The following SMURF2 variants were observed in gnomAD, a reference collection of about 807,000 sequenced individuals.
SMURF2 encodes the protein E3 ubiquitin-protein ligase SMURF2.
In SMURF2, 48 loss-of-function variants were observed where a neutral mutation model predicts 109.6. The observed-to-expected ratio is 0.44, with a 90% confidence interval of 0.35 to 0.56. The LOEUF (loss-of-function observed/expected upper bound fraction) is 0.56. SMURF2 is among the 20% of genes least tolerant of loss of function. The pLI, the probability that SMURF2 is intolerant of heterozygous loss-of-function variation, is 0.01. For synonymous variants in SMURF2, 288 were observed against 317.1 expected (o/e 0.91, Z 0.97); for missense variants, 575 against 909.0 (o/e 0.63, Z 4.72).
At position 64,557,608 on chromosome 17, in the gene SMURF2, C is replaced by T. The variant is rs1969141316; in HGVS notation, c.1431G>A (p.Pro477=). The change falls in exon 13 of 19, where the codon CCG becomes CCA. Residue 477 remains proline, a splice_region_variant and synonymous_variant. Transcript: ENST00000262435. ...LQINPDSAVN[P]EHLSYFHFVG... is the part of the protein sequence containing the mutation. ...TTCACATCATAACTTCAAATCATACCGGATTAACTGCAGAATCAGGATTGA... is the reference window on the plus strand; with the variant it reads ...TTCACATCATAACTTCAAATCATACTGGATTAACTGCAGAATCAGGATTGA... 2 of 1,557,020 alleles carry T rather than the reference C, an allele frequency of 1.3e-6. No individual in the cohort carries two copies. The highest frequency in any genetic ancestry group is 1.7e-5 in the Admixed American group (1 of 58,620).
chr17:64,641,973 A>AT (rs1970498287), intron 1 of SMURF2, among the ~76,000 whole-genome samples: 1 of 152,010 alleles, frequency 6.6e-6, no homozygotes, highest in Non-Finnish European at 1.5e-5. Flanking sequence ...TGCCTGCCTA[A>AT]TTTTTTGTAT....
chr17:64,623,824 C>T (rs1970234210), intron 1 of SMURF2, among the ~76,000 whole-genome samples: 1 of 152,208 alleles, frequency 6.6e-6, no homozygotes, highest in Non-Finnish European at 1.5e-5. Context: ...GCCCTCAAAA[C>T]ACCTAGTTAG....
At chr17:64,621,203 T>C (rs1243884615) in intron 1 of SMURF2, among the ~76,000 whole-genome samples, 2 of 152,174 alleles carry the variant, frequency 1.3e-5, no homozygotes, top group African/African-American at 2.4e-5. Context: ...GAAAACAAAG[T>C]GCAAAGGTAT....
intron 10 of SMURF2, among the ~76,000 whole-genome samples, chr17:64,567,498 A>C (rs2144615008): frequency 6.6e-6 from 1 of 152,308 alleles, no homozygotes; most frequent in South Asian, 2.1e-4. Flanking sequence ...ATTCAGCAAA[A>C]AGATGGAAGA....
chr17:64,628,893 A>G (rs551513255), intron 1 of SMURF2, among the ~76,000 whole-genome samples: 25 of 152,292 alleles, frequency 1.6e-4, no homozygotes, highest in African/African-American at 6.0e-4. Flanking sequence ...TGCCTTAGAT[A>G]TCACAGTTCT....
intron 6 of SMURF2, among the ~76,000 whole-genome samples, chr17:64,584,174 C>G (rs190494047): frequency 6.6e-6 from 1 of 151,188 alleles, no homozygotes; most frequent in East Asian, 2.0e-4. Flanking sequence ...AAAAATTAGC[C>G]GGGCGTGGTA....
chr17:64,582,842 G>A (rs900765445), intron 7 of SMURF2, among the ~76,000 whole-genome samples: 25 of 151,562 alleles, frequency 1.6e-4, no homozygotes, highest in African/African-American at 5.6e-4. Context: ...CAAGTGATCC[G>A]CCCACCTTGG....
At chr17:64,568,323 T>G (rs1235318972) in intron 10 of SMURF2, among the ~76,000 whole-genome samples, 1 of 152,060 alleles carries the variant, frequency 6.6e-6, no homozygotes, top group African/African-American at 2.4e-5. Context: ...TTTACCAGCT[T>G]GTTTTGGGCC....
intron 5 of SMURF2, among the ~76,000 whole-genome samples, chr17:64,586,578 G>A (rs1437051257): frequency 3.3e-5 from 5 of 150,644 alleles, no homozygotes; most frequent in East Asian, 2.0e-4. Flanking sequence ...GTGAAATCCC[G>A]TCTCTACTAA....
intron 1 of SMURF2, among the ~76,000 whole-genome samples, chr17:64,606,929 A>C (rs544924770): frequency 6.6e-6 from 1 of 152,200 alleles, no homozygotes; most frequent in Non-Finnish European, 1.5e-5. Flanking sequence ...ACTCTCTGAG[A>C]AACTCAGTGG....
In SMURF2 at chr17:64,551,721, G is replaced by A; in HGVS notation, c.1749-17C>T. On this transcript the variant is annotated splice_polypyrimidine_tract_variant and intron_variant, in intron 15 of 18. Transcript: ENST00000262435. Reference sequence around the variant, plus strand: ...ACATAGAGCCTGTAAACATTCGGCAGGATTTCGTATAATCACATGTATTTT... The same window carrying A: ...ACATAGAGCCTGTAAACATTCGGCAAGATTTCGTATAATCACATGTATTTT... 3 of 1,612,566 alleles carry A rather than the reference G, an allele frequency of 1.9e-6. No individual in the cohort carries two copies.
Position 64,551,666 on chromosome 17 carries a change from G to A in SMURF2, c.1787C>T (p.Ala596Val). Reference sequence around the variant, plus strand: ...TCCTTTCTGCAGAGCCAAGAATTGAGCCTCAATGCCTCGTAAAAATCTCCA... The same window carrying A: ...TCCTTTCTGCAGAGCCAAGAATTGAACCTCAATGCCTCGTAAAAATCTCCA... ...VNWRFLRGIE[A>V]QFLALQKGFN... Residue 596 changes from alanine to valine, a missense_variant, in exon 16 of 19, where the codon GCT (alanine) becomes GTT (valine). Physicochemically the swap from Ala to Val is moderately conservative, Grantham distance 64. Around this residue, in one of 5 missense-constraint regions of SMURF2, gnomAD observed 361 missense variants for 612.1 expected, o/e 0.59. Coordinates refer to ENST00000262435, the MANE Select transcript of SMURF2 (RefSeq NM_022739.4). The A allele has an allele frequency of 6.2e-7, 1 of 1,614,014 alleles. No individual in the cohort carries two copies. Among genetic ancestry groups the A allele is most frequent in the Non-Finnish European group, 8.5e-7 (1 of 1,179,964 alleles).
chr17:64,633,566 T>C (rs1485344446), intron 1 of SMURF2, among the ~76,000 whole-genome samples: 14 of 152,238 alleles, frequency 9.2e-5, no homozygotes, highest in African/African-American at 3.4e-4. Context: ...ATATGTCATA[T>C]TCACTTTGTT....
intron 1 of SMURF2, among the ~76,000 whole-genome samples, chr17:64,609,123 G>T (rs1555689305): frequency 1.3e-5 from 2 of 152,060 alleles, no homozygotes; most frequent in Admixed American, 1.3e-4. Flanking sequence ...AATAAGAGAG[G>T]ACACAAATAA....
chr17:64,566,207 CTG>C (rs566335580), intron 10 of SMURF2, among the ~76,000 whole-genome samples: 8 of 151,992 alleles, frequency 5.3e-5, no homozygotes, highest in Non-Finnish European at 8.8e-5. Flanking sequence ...AATAAATTAA[CTG>C]TTATAATTTA....
intron 10 of SMURF2, chr17:64,563,198 G>A: frequency 2.9e-6 from 1 of 343,558 alleles, no homozygotes; most frequent in Admixed American, 4.3e-5. Flanking sequence ...TATCCATAAA[G>A]CTTTATACAG....
At chr17:64,641,150 C>G (rs1970488291) in intron 1 of SMURF2, among the ~76,000 whole-genome samples, 2 of 151,732 alleles carry the variant, frequency 1.3e-5, no homozygotes, top group Non-Finnish European at 2.9e-5. Context: ...CTTTATAATC[C>G]TTTATCAAAA....
intron 6 of SMURF2, among the ~76,000 whole-genome samples, chr17:64,584,534 T>C (rs1192631364): frequency 1.3e-5 from 2 of 151,600 alleles, no homozygotes; most frequent in East Asian, 4.0e-4. Flanking sequence ...ACTTTTTGTA[T>C]TTTTAGAAGA....
chr17:64,582,260 T>C (rs1359895843), intron 7 of SMURF2, among the ~76,000 whole-genome samples: 1 of 152,196 alleles, frequency 6.6e-6, no homozygotes, highest in Non-Finnish European at 1.5e-5. Flanking sequence ...ATTAGTTCTG[T>C]ATAAATAAAA....
Sources: gnomAD v4.1 joint callset for allele counts (sites outside exome capture counted in the v4.1 genomes callset) on GRCh38, gnomAD v4.1.1 for gene constraint, gnomAD v4.1.1 regional missense constraint, MANE v1.5 for transcripts, NCBI Gene and HGNC (gene_info 2026-07-23, HGNC 2026-07-21) for gene names.